F13A1: variants seen among roughly 807,000 people sequenced by gnomAD.
F13A1 encodes the protein coagulation factor XIII A chain.
In F13A1, 47 loss-of-function variants were observed where a neutral mutation model predicts 80.1. That is an observed-to-expected ratio of 0.59 (90% CI 0.46 to 0.75). The LOEUF is 0.75. Ranked by LOEUF, F13A1 falls within the 30% of genes least tolerant of loss-of-function variation. F13A1 has a pLI of 0.00. For missense variants in F13A1, 817 were observed against 930.4 expected (o/e 0.88, Z 1.59); for synonymous variants, 349 against 344.9 (o/e 1.01, Z -0.13).
chr6:6,185,142 T>TA (rs1483997946), intron 10 of F13A1, among the ~76,000 whole-genome samples: 7 of 151,312 alleles, frequency 4.6e-5, no homozygotes, highest in Non-Finnish European at 4.4e-5. Flanking sequence ...TTTTTTTTTT[T>TA]ATTATACTTT....
Position 6,318,721 on chromosome 6 carries a change from A to G in F13A1, c.-18-39T>C, listed in dbSNP as rs757901882. 20 of 1,589,686 alleles carry G rather than the reference A, an allele frequency of 1.3e-5. No individual in the cohort carries two copies. In the South Asian group the frequency reaches 2.2e-4, roughly 18 times the overall value. On this transcript the variant is annotated intron_variant, in intron 1 of 14. Transcript: ENST00000264870. ...AAAAAAAGAAGACAACAGAAAAGGC[A>G]TGTAAAGTGAGTAACATTTGAGACA... is the stretch of plus-strand genomic sequence containing the variant.
At chr6:6,297,789 G>GAATGT (rs1758354272) in intron 3 of F13A1, among the ~76,000 whole-genome samples, 1 of 149,610 alleles carries the variant, frequency 6.7e-6, no homozygotes, top group Admixed American at 6.6e-5. Context: ...CCTTCTGCTA[G>GAATGT]CTTTTGAATG....
At chr6:6,157,360 TTCTG>T (rs1340568920) in intron 13 of F13A1, among the ~76,000 whole-genome samples, 3 of 152,200 alleles carry the variant, frequency 2.0e-5, no homozygotes, top group African/African-American at 7.2e-5. Context: ...ATCCAGGTCT[TTCTG>T]ACTCTAAAAC....
At chr6:6,171,039 T>TTA (rs906832653) in intron 12 of F13A1, among the ~76,000 whole-genome samples, 3 of 152,042 alleles carry the variant, frequency 2.0e-5, no homozygotes, top group African/African-American at 7.2e-5. Context: ...ACTGAGAGAA[T>TTA]GATATCATTC....
intron 13 of F13A1, among the ~76,000 whole-genome samples, chr6:6,152,347 A>C (rs1341841051): frequency 6.6e-6 from 1 of 152,184 alleles, no homozygotes; most frequent in South Asian, 2.1e-4. Flanking sequence ...TGAGTTTAAG[A>C]AGTAGAAAAT....
At chr6:6,211,190 A>G (rs1461359836) in intron 8 of F13A1, among the ~76,000 whole-genome samples, 1 of 152,260 alleles carries the variant, frequency 6.6e-6, no homozygotes, top group Admixed American at 6.5e-5. Flanking sequence ...AAATTAATAC[A>G]TGTCAGCACT....
chr6:6,272,010 T>C (rs984734711), intron 3 of F13A1, among the ~76,000 whole-genome samples: 24 of 152,214 alleles, frequency 1.6e-4, no homozygotes, highest in Admixed American at 1.3e-4. Context: ...GCACAGTTTC[T>C]TGATATTAGT....
chr6:6,157,389 C>T (rs1277445325), intron 13 of F13A1, among the ~76,000 whole-genome samples: 2 of 152,016 alleles, frequency 1.3e-5, no homozygotes, highest in Non-Finnish European at 2.9e-5. Context: ...ATCTTCAAAA[C>T]TACCTATACT....
chr6:6,238,010 A>C (rs1041505448), intron 6 of F13A1, among the ~76,000 whole-genome samples: 1 of 152,250 alleles, frequency 6.6e-6, no homozygotes, highest in Non-Finnish European at 1.5e-5. Context: ...ATAATTAAAC[A>C]TAATATTGAA....
intron 2 of F13A1, among the ~76,000 whole-genome samples, chr6:6,307,319 A>G (rs937235734): frequency 1.3e-5 from 2 of 152,192 alleles, no homozygotes; most frequent in African/African-American, 4.8e-5. Context: ...TGTTGTATAC[A>G]TGTTCCCCTG....
chr6:6,173,409 CT>C (rs4053226), intron 12 of F13A1, among the ~76,000 whole-genome samples: 15,679 of 77,754 alleles, frequency 0.2, 854 homozygotes, highest in Admixed American at 0.23. Flanking sequence ...CCATTCTTTT[CT>C]TTTTTTTTTT....
At chr6:6,182,887 T>C (rs1023056960) in intron 10 of F13A1, among the ~76,000 whole-genome samples, 6 of 152,214 alleles carry the variant, frequency 3.9e-5, no homozygotes, top group African/African-American at 1.4e-4. Flanking sequence ...AGTATTTAAA[T>C]TGAACAATAA....
intron 8 of F13A1, among the ~76,000 whole-genome samples, chr6:6,205,448 G>A (rs1761469145): frequency 6.6e-6 from 1 of 152,198 alleles, no homozygotes; most frequent in Admixed American, 6.5e-5. Context: ...TACCAGTCCA[G>A]ATGTCCTCAC....
At chr6:6,312,189 T>A (rs1044030297) in intron 2 of F13A1, among the ~76,000 whole-genome samples, 2 of 151,848 alleles carry the variant, frequency 1.3e-5, no homozygotes, top group Admixed American at 6.6e-5. Context: ...ACTGGTATAC[T>A]TTAGACATTT....
intron 10 of F13A1, among the ~76,000 whole-genome samples, chr6:6,187,148 T>C (rs1482938308): frequency 8.0e-6 from 1 of 125,118 alleles, no homozygotes; most frequent in Non-Finnish European, 1.7e-5. Context: ...GTTTTCTAGA[T>C]ATACAATCAT....
At chr6:6,300,344 T>G (rs7743961) in intron 3 of F13A1, among the ~76,000 whole-genome samples, 50,287 of 147,764 alleles carry the variant, frequency 0.34, 11,830 homozygotes, top group African/African-American at 0.66. Flanking sequence ...CCCCAGCCTC[T>G]CTGCCGCCTT....
intron 8 of F13A1, among the ~76,000 whole-genome samples, chr6:6,218,299 C>G (rs1757133318): frequency 6.6e-6 from 1 of 152,286 alleles, no homozygotes; most frequent in African/African-American, 2.4e-5. Flanking sequence ...CAAACCATTG[C>G]TGTCCCCCTG....
chr6:6,194,263 C>A (rs1202183388), intron 10 of F13A1, among the ~76,000 whole-genome samples: 3 of 152,136 alleles, frequency 2.0e-5, no homozygotes, highest in African/African-American at 7.2e-5. Context: ...GAGCAAGTCT[C>A]TCAGGGAGGT....
intron 12 of F13A1, among the ~76,000 whole-genome samples, chr6:6,173,062 G>T (rs1415323235): frequency 6.6e-6 from 1 of 152,062 alleles, no homozygotes; most frequent in East Asian, 1.9e-4. Flanking sequence ...AGAAATTGGT[G>T]CCCCAAAGTA....
Sources: gnomAD v4.1 joint callset for allele counts (sites outside exome capture counted in the v4.1 genomes callset) on GRCh38, gnomAD v4.1.1 for gene constraint, MANE v1.5 for transcripts, NCBI Gene and HGNC (gene_info 2026-07-23, HGNC 2026-07-21) for gene names.